GOLGA8T: variants seen among roughly 807,000 people sequenced by gnomAD.
The protein encoded by GOLGA8T is golgin subfamily A member 8T.
A neutral mutation model predicts 52.0 loss-of-function variants in GOLGA8T; 17 were observed. The observed-to-expected ratio is 0.33, with a 90% CI of 0.22 to 0.49. The LOEUF is 0.49. Ranked by LOEUF, GOLGA8T falls within the 20% of genes least tolerant of loss-of-function variation. The pLI is 0.99. For synonymous variants in GOLGA8T, 67 were observed against 169.5 expected, an observed-to-expected ratio of 0.40 and a Z score of 4.70; for missense variants, 154 against 462.1, an observed-to-expected ratio of 0.33 and a Z score of 6.11.
chr15:30,142,485 G>A (rs2057758470), intron 13 of GOLGA8T, 103 bp downstream of exon 13: 12 of 1,539,856 alleles, frequency 7.8e-6, no homozygotes, highest in Non-Finnish European at 9.6e-6. Context: ...TCCAGCCTGG[G>A]GGCTGGTGAC....
At chr15:30,140,609 T>C (rs1375355302) in intron 8 of GOLGA8T, among the ~76,000 whole-genome samples, 40 of 141,862 alleles carry the variant, frequency 2.8e-4, no homozygotes, top group African/African-American at 8.8e-4. Context: ...GTAATAACAA[T>C]AGCAATATTA....
Position 30,141,331 on chromosome 15 carries a change from T to G in GOLGA8T, c.787-7T>G. ...TCCAAGGCCCTTTCCCCTTGTGCTT[T>G]GGGCAGATTTGCACATTAAAGAAAG... On this transcript the variant is annotated splice_polypyrimidine_tract_variant and splice_region_variant and intron_variant, in intron 10 of 18. Transcript: ENST00000569052. The G allele has an allele frequency of 6.5e-7, 1 of 1,548,606 alleles. No homozygotes were observed. Among genetic ancestry groups the G allele is most frequent in the South Asian group, 1.2e-5 (1 of 86,464 alleles).
intron 2 of GOLGA8T, among the ~76,000 whole-genome samples, 186 bp downstream of exon 2, chr15:30,137,171 A>G (rs953975122): frequency 2.7e-5 from 4 of 145,676 alleles, no homozygotes; most frequent in African/African-American, 7.9e-5. Flanking sequence ...AGGTCAGGAG[A>G]TCGAGACCAT....
chr15:30,142,393 C>T lies in GOLGA8T; in HGVS notation c.1200+11C>T, dbSNP rs760946439. Reference sequence around the variant, plus strand: ...GAGAAGCTTGGCGAGGTGAAGGAGACGGAAACCTCCACCCCATCCAAGAAG... The same window carrying T: ...GAGAAGCTTGGCGAGGTGAAGGAGATGGAAACCTCCACCCCATCCAAGAAG... On this transcript the variant is annotated intron_variant, in intron 13 of 18. Coordinates refer to ENST00000569052, the MANE Select transcript of GOLGA8T (RefSeq NM_001355469.2). The T allele has an allele frequency of 3.3e-5, 52 of 1,564,726 alleles. 4 individuals carry two copies. Among genetic ancestry groups the T allele is most frequent in the South Asian group, 1.4e-4 (12 of 87,910 alleles).
At chr15:30,142,808 A>G (rs1244350187) in intron 13 of GOLGA8T, among the ~76,000 whole-genome samples, 3 of 114,472 alleles carry the variant, frequency 2.6e-5, no homozygotes, top group Non-Finnish European at 4.8e-5. Flanking sequence ...AATTAGCAGG[A>G]CATTGTGGCG....
At position 30,145,211 on chromosome 15, in the gene GOLGA8T, C is replaced by G. The variant is rs2057810015; in HGVS notation, c.1624C>G (p.His542Asp). 2.2e-6 allele frequency: 3 copies of G among 1,390,732 alleles called. No homozygotes were observed. Among genetic ancestry groups the G allele is most frequent in the Non-Finnish European group, 2.9e-6 (3 of 1,051,228 alleles). The allele number at this position is 1,390,732 out of a possible 1,614,324, so 86.1% of individuals were successfully genotyped here. The change falls in exon 18 of 19, where the codon CAC becomes GAC. Residue 542 changes from histidine (H) to aspartate (D), a missense_variant. His to Asp is a moderately conservative substitution (Grantham distance 81). Coordinates refer to ENST00000569052, the MANE Select transcript of GOLGA8T (RefSeq NM_001355469.2). Reference sequence around the variant, plus strand: ...GGCTTACAGCAACTACAACAATGGGCACAGAAAATTCCTGGCCGCTGCCCA... The same window carrying G: ...GGCTTACAGCAACTACAACAATGGGGACAGAAAATTCCTGGCCGCTGCCCA... ...IAAYSNYNNG[H>D]RKFLAAAHNP...
At chr15:30,142,169 G>A in intron 12 of GOLGA8T, 111 bp downstream of exon 12, 1 of 587,032 alleles carries the variant, frequency 1.7e-6, no homozygotes. Flanking sequence ...TACTTCTAAA[G>A]GCACCTGTGA....
intron 13 of GOLGA8T, among the ~76,000 whole-genome samples, 189 bp downstream of exon 13, chr15:30,142,571 C>G (rs534746703): frequency 6.9e-6 from 1 of 144,912 alleles, no homozygotes; most frequent in Non-Finnish European, 1.5e-5. Flanking sequence ...CTGGGATCCT[C>G]TCAGGTCTGG....
In GOLGA8T at chr15:30,148,367, C is replaced by T. The variant is rs1387105892; in HGVS notation, c.*2800C>T. On this transcript the variant is annotated 3_prime_UTR_variant, in exon 19 of 19. Coordinates refer to ENST00000569052, the MANE Select transcript of GOLGA8T (RefSeq NM_001355469.2). The stretch of plus-strand genomic sequence containing the variant: ...TGAAAAAAAAAATCAGCTCTAAAAC[C>T]AAAGCGATTTTAGAAAATTTGAAAA... 7.7e-6 allele frequency among the ~76,000 whole-genome samples: 1 copy of T among 129,424 alleles called. No homozygotes were observed. The highest frequency in any genetic ancestry group is 1.5e-5 in the Non-Finnish European group (1 of 65,456). 84.9% of individuals were successfully genotyped at this position (129,424 alleles called of 152,430 possible). A position where few individuals can be genotyped will look rare whatever the true frequency, so the allele number is the denominator to read the frequency against.
chr15:30,142,737 G>A (rs1341394103), intron 13 of GOLGA8T, among the ~76,000 whole-genome samples: 2 of 119,718 alleles, frequency 1.7e-5, no homozygotes, highest in African/African-American at 4.5e-5. Context: ...GGGAGTTTGG[G>A]ATCAGCCTGG....
Position 30,145,578 on chromosome 15 carries a change from C to G in GOLGA8T, c.*11C>G, listed in dbSNP as rs1449149074. On this transcript the variant is annotated 3_prime_UTR_variant, in exon 19 of 19. Transcript: ENST00000569052. ...AGAAGAAGGAGATAAACATCACCAT[C>G]CTCAAAGAGCTGCTCAAGAAATTTT... 5 of 1,433,712 alleles carry G rather than the reference C, an allele frequency of 3.5e-6. 1 individual carries two copies. The highest frequency in any genetic ancestry group is 4.6e-6 in the Non-Finnish European group (5 of 1,079,636). The allele number at this position is 1,433,712 out of a possible 1,614,324, so 88.8% of individuals were successfully genotyped here.
Position 30,142,077 on chromosome 15 carries a change from G to A in GOLGA8T, c.1131+19G>A. 2 of 442,706 alleles carry A rather than the reference G, an allele frequency of 4.5e-6. No homozygotes were observed. The highest frequency in any genetic ancestry group is 7.4e-6 in the Non-Finnish European group (2 of 269,422). The allele number at this position is 442,706 out of a possible 1,614,324, so 27.4% of individuals were successfully genotyped here. A position where few individuals can be genotyped will look rare whatever the true frequency, so the allele number is the denominator to read the frequency against. ...GGAGCCGGTGCGTTGCCCAAACTGG[G>A]GAGCTTGCCCTCCTCCCTAGCCCTC... On this transcript the variant is annotated intron_variant, in intron 12 of 18. Coordinates refer to ENST00000569052, the MANE Select transcript of GOLGA8T (RefSeq NM_001355469.2).
rs1465148234 is a variant in GOLGA8T at position 30,140,744 on chromosome 15, C to T, written c.592-98C>T. On this transcript the variant is annotated intron_variant, in intron 8 of 18. Transcript: ENST00000569052. ...TGGAAATGCCTTGATCTTTACTGAC[C>T]GAGTTGTATATTGGGCCTAGCCCTA... The T allele has an allele frequency of 1.4e-4, 123 of 899,810 alleles. 1 individual carries two copies. Among genetic ancestry groups the T allele is most frequent in the Middle Eastern group, 3.4e-4 (1 of 2,974 alleles). 55.7% of individuals were successfully genotyped at this position (899,810 alleles called of 1,614,324 possible).
In GOLGA8T at chr15:30,148,320, C is replaced by G. The variant is rs546190135; in HGVS notation, c.*2753C>G. On this transcript the variant is annotated 3_prime_UTR_variant, in exon 19 of 19. Transcript: ENST00000569052. Reference sequence around the variant, plus strand: ...ATAATCATTTTAAAAGTATTTGATTCAACCTGATAATTTTCCAGAAATGAA... The same window carrying G: ...ATAATCATTTTAAAAGTATTTGATTGAACCTGATAATTTTCCAGAAATGAA... Among the ~76,000 whole-genome samples the G allele has an allele frequency of 1.6e-5, 2 of 123,618 alleles. No individual in the cohort carries two copies. The highest frequency in any genetic ancestry group is 1.5e-4 in the Admixed American group (2 of 13,456). 81.1% of individuals were successfully genotyped at this position (123,618 alleles called of 152,430 possible).
intron 11 of GOLGA8T, 77 bp from the exon 12 acceptor site, chr15:30,141,723 TGA>T (rs2057746698): frequency 1.8e-6 from 1 of 551,344 alleles, no homozygotes; most frequent in Non-Finnish European, 3.0e-6. Context: ...TTGAGGAGCC[TGA>T]GAGGAGCTGT....
rs1446564511 is a variant in GOLGA8T, at chr15:30,142,800, T to G, written c.1200+418T>G. On this transcript the variant is annotated intron_variant, in intron 13 of 18. Transcript: ENST00000569052. ...AAAATTACAAAAAAAAAAAAAAAAATTAGCAGGACATTGTGGCGCATGCCT... is the reference window on the plus strand; with the variant it reads ...AAAATTACAAAAAAAAAAAAAAAAAGTAGCAGGACATTGTGGCGCATGCCT... 4.6e-4 allele frequency among the ~76,000 whole-genome samples: 49 copies of G among 106,946 alleles called. 1 individual carries two copies. Among genetic ancestry groups the G allele is most frequent in the Middle Eastern group, 4.1e-3 (1 of 244 alleles). 70.2% of individuals were successfully genotyped at this position (106,946 alleles called of 152,430 possible). A position where few individuals can be genotyped will look rare whatever the true frequency, so the allele number is the denominator to read the frequency against.
At chr15:30,139,878 C>T (rs1241051564) in intron 8 of GOLGA8T, 94 bp downstream of exon 8, 1 of 481,980 alleles carries the variant, frequency 2.1e-6, no homozygotes, top group Admixed American at 2.6e-5. Context: ...GAGTGTCCTG[C>T]CCAGAAGGCA....
chr15:30,140,528 A>G (rs2057728129), intron 8 of GOLGA8T, among the ~76,000 whole-genome samples: 1 of 128,660 alleles, frequency 7.8e-6, no homozygotes, highest in Non-Finnish European at 1.6e-5. Context: ...GGTTGCGAGG[A>G]TTAAATGGGA....
intron 15 of GOLGA8T, 48 bp from the exon 16 acceptor site, chr15:30,144,731 C>T: frequency 8.2e-7 from 1 of 1,217,902 alleles, no homozygotes; most frequent in Non-Finnish European, 1.1e-6. Flanking sequence ...AAAATGCCAC[C>T]TGAGGGCAGG....
Sources: gnomAD v4.1 joint callset for allele counts (sites outside exome capture counted in the v4.1 genomes callset) on GRCh38, gnomAD v4.1.1 for gene constraint, MANE v1.5 for transcripts, NCBI Gene and HGNC (gene_info 2026-07-23, HGNC 2026-07-21) for gene names.